Variants in PPFIA2 observed in about 807,000 individuals in gnomAD.
The protein encoded by PPFIA2 is PPFI scaffold protein A2, also known as liprin-alpha-2.
Under a neutral mutation model 175.5 loss-of-function variants are expected in PPFIA2, and 46 were observed. The observed-to-expected ratio is 0.26, with a 90% CI of 0.21 to 0.34. The LOEUF (loss-of-function observed/expected upper bound fraction) is 0.34, where lower values mean the gene tolerates loss of function less well. Ranked by LOEUF, PPFIA2 falls within the 10% of genes least tolerant of loss-of-function variation. PPFIA2 has a pLI of 1.00. For synonymous variants in PPFIA2, 568 were observed against 511.4 expected, an observed-to-expected ratio of 1.11 and a Z score of -1.49; for missense variants, 1,179 against 1,506.1, an observed-to-expected ratio of 0.78 and a Z score of 3.60.
chr12:81,536,139 A>T (rs2065339665), intron 4 of PPFIA2, among the ~76,000 whole-genome samples: 1 of 151,794 alleles, frequency 6.6e-6, no homozygotes, highest in South Asian at 2.1e-4. Context: ...AGAATTAATT[A>T]CCAAAGCACT....
At chr12:81,729,188 A>C (rs1382704222) in intron 3 of PPFIA2, among the ~76,000 whole-genome samples, 1 of 151,526 alleles carries the variant, frequency 6.6e-6, no homozygotes, top group Non-Finnish European at 1.5e-5. Flanking sequence ...AAATAGTGTT[A>C]TATCTACATT....
chr12:81,703,344 G>GA lies in PPFIA2; in HGVS notation c.250-26501dup, dbSNP rs564023139. ...TTCTCCTTCTTAGACTTCTCTATCT[G>GA]AAAAAATCATTCCAACAAAACCAGA... is the stretch of plus-strand genomic sequence containing the variant. On this transcript the variant is annotated intron_variant, in intron 3 of 32. Transcript: ENST00000549396. 3.6e-3 allele frequency among the ~76,000 whole-genome samples: 548 copies of GA among 151,884 alleles called. 5 individuals carry two copies. The highest frequency in any genetic ancestry group is 0.012 in the African/African-American group (509 of 41,400).
intron 4 of PPFIA2, among the ~76,000 whole-genome samples, chr12:81,592,033 C>A (rs2058731956): frequency 6.6e-6 from 1 of 152,084 alleles, no homozygotes; most frequent in Admixed American, 6.5e-5. Context: ...TGGAATTGCC[C>A]ATGACCATGG....
chr12:81,262,371 T>C (rs1296825260), intron 31 of PPFIA2, among the ~76,000 whole-genome samples: 2 of 152,194 alleles, frequency 1.3e-5, no homozygotes, highest in Non-Finnish European at 2.9e-5. Context: ...TTTCCAAGTA[T>C]TGAAGAACTT....
chr12:81,303,728 C>A (rs2048435199), intron 22 of PPFIA2, among the ~76,000 whole-genome samples: 1 of 152,098 alleles, frequency 6.6e-6, no homozygotes, highest in Non-Finnish European at 1.5e-5. Context: ...ACTTGCTATG[C>A]CTGAACTGAA....
At chr12:81,536,983 G>T (rs1349716881) in intron 4 of PPFIA2, among the ~76,000 whole-genome samples, 1 of 150,916 alleles carries the variant, frequency 6.6e-6, no homozygotes, top group African/African-American at 2.4e-5. Context: ...ACAGGTTTAT[G>T]GTTTTACGTT....
intron 8 of PPFIA2, among the ~76,000 whole-genome samples, chr12:81,404,893 C>T (rs1174136996): frequency 6.6e-6 from 1 of 152,150 alleles, no homozygotes; most frequent in Non-Finnish European, 1.5e-5. Context: ...GTTTTAGAAA[C>T]TCTTGACATT....
chr12:81,597,788 C>T lies in PPFIA2; in HGVS notation c.303+79003G>A, dbSNP rs17687982. On this transcript the variant is annotated intron_variant, in intron 4 of 32. Transcript: ENST00000549396. ...AGAGACTCCTAATGCCATCCTATAC[C>T]CACAGTTTAAAGTAGATTAAACTGA... Among the ~76,000 whole-genome samples the T allele has an allele frequency of 0.093, 14,158 of 151,814 alleles. 839 individuals are homozygous for T. Among genetic ancestry groups the T allele is most frequent in the South Asian group, 0.16 (774 of 4,814 alleles).
At chr12:81,706,452 T>G (rs1387693867) in intron 3 of PPFIA2, among the ~76,000 whole-genome samples, 1 of 152,250 alleles carries the variant, frequency 6.6e-6, no homozygotes, top group Non-Finnish European at 1.5e-5. Context: ...GCTACTTTTG[T>G]TGCTTCCACA....
chr12:81,612,511 A>T (rs2061024622), intron 4 of PPFIA2, among the ~76,000 whole-genome samples: 1 of 152,174 alleles, frequency 6.6e-6, no homozygotes, highest in Non-Finnish European at 1.5e-5. Context: ...AAGAAAAAAA[A>T]ACTTCGAATA....
chr12:81,398,868 T>G (rs551510289), intron 8 of PPFIA2, among the ~76,000 whole-genome samples: 1 of 152,102 alleles, frequency 6.6e-6, no homozygotes, highest in East Asian at 1.9e-4. Flanking sequence ...TACTAAGAGT[T>G]AAAATATAAA....
intron 7 of PPFIA2, among the ~76,000 whole-genome samples, chr12:81,432,463 CT>C (rs545183498): frequency 0.19 from 25,822 of 132,742 alleles, 3,648 homozygotes; most frequent in East Asian, 0.41. Flanking sequence ...GCAGAACTAA[CT>C]TTTTTTTTTT....
At chr12:81,294,435 TAGGTAGGAAGGA>T (rs1334242365) in intron 24 of PPFIA2, 8 of 83,350 alleles carry the variant, frequency 9.6e-5, no homozygotes, top group Admixed American at 3.5e-4. Flanking sequence ...GGAAGGAAGG[TAGGTAGGAAGGA>T]AGGAAGGAAG....
chr12:81,258,548 C>T lies in PPFIA2; in HGVS notation c.*1146G>A, dbSNP rs1678232408. 6.6e-6 allele frequency: 1 copy of T among 152,114 alleles called. No homozygotes were observed. The highest frequency in any genetic ancestry group is 1.5e-5 in the Non-Finnish European group (1 of 68,018). 9.4% of individuals were successfully genotyped at this position (152,114 alleles called of 1,614,324 possible). On this transcript the variant is annotated 3_prime_UTR_variant, in exon 33 of 33. Transcript: ENST00000549396. ...ACAGTAACACCACCAAATAAAGCCA[C>T]AGGGAAGAGATTACTCTTCTATACT...
At chr12:81,724,864 C>T (rs2079843413) in intron 3 of PPFIA2, among the ~76,000 whole-genome samples, 1 of 150,900 alleles carries the variant, frequency 6.6e-6, no homozygotes, top group Non-Finnish European at 1.5e-5. Context: ...ATTGCTGGAT[C>T]CAATAGTAGT....
At chr12:81,363,025 T>G (rs1446963621) in intron 14 of PPFIA2, among the ~76,000 whole-genome samples, 1 of 151,586 alleles carries the variant, frequency 6.6e-6, no homozygotes, top group Non-Finnish European at 1.5e-5. Context: ...ATTTGAAAAT[T>G]CGTGGGAATA....
chr12:81,503,738 A>G (rs1291858825), intron 4 of PPFIA2, among the ~76,000 whole-genome samples: 2 of 152,100 alleles, frequency 1.3e-5, no homozygotes, highest in African/African-American at 4.8e-5. Flanking sequence ...TATAAATTTT[A>G]TATTTAAAAA....
At chr12:81,412,280 G>C (rs1592586944) in intron 7 of PPFIA2, among the ~76,000 whole-genome samples, 1 of 148,734 alleles carries the variant, frequency 6.7e-6, no homozygotes, top group East Asian at 2.0e-4. Flanking sequence ...CAAAATACTG[G>C]GAAAAATGCA....
intron 4 of PPFIA2, among the ~76,000 whole-genome samples, chr12:81,531,871 A>G (rs2064621149): frequency 6.6e-6 from 1 of 151,878 alleles, no homozygotes; most frequent in Non-Finnish European, 1.5e-5. Context: ...TGAGGACAGT[A>G]GAATCTGAAA....
Sources: allele counts gnomAD v4.1 joint callset (sites outside exome capture counted in the v4.1 genomes callset), GRCh38; gene constraint gnomAD v4.1.1; transcripts MANE v1.5; gene names NCBI Gene and HGNC (gene_info 2026-07-23, HGNC 2026-07-21).